The following CDH12 variants were observed in gnomAD, a reference collection of about 807,000 sequenced individuals.
The protein encoded by CDH12 is cadherin-12.
Under a neutral mutation model 74.1 loss-of-function variants are expected in CDH12, and 41 were observed. The ratio of observed to expected loss-of-function variants is 0.55; its 90% confidence interval spans 0.43 to 0.72. The LOEUF is 0.72. CDH12 is among the 30% of genes least tolerant of loss of function. CDH12 has a pLI of 0.00. For synonymous variants in CDH12, 399 were observed against 355.0 expected, an observed-to-expected ratio of 1.12 and a Z score of -1.39; for missense variants, 945 against 977.2, an observed-to-expected ratio of 0.97 and a Z score of 0.44.
intron 6 of CDH12, among the ~76,000 whole-genome samples, chr5:21,939,476 G>C (rs1215157298): frequency 6.6e-6 from 1 of 151,652 alleles, no homozygotes; most frequent in African/African-American, 2.4e-5. Flanking sequence ...TTTTTATTTT[G>C]TCAATTTCTT....
At chr5:22,842,990 G>A (rs1006304880) in intron 1 of CDH12, among the ~76,000 whole-genome samples, 2 of 152,058 alleles carry the variant, frequency 1.3e-5, no homozygotes, top group African/African-American at 4.8e-5. Context: ...TTTGTGTAAA[G>A]TGAATTTGGC....
At chr5:21,995,032 TC>T in intron 5 of CDH12, among the ~76,000 whole-genome samples, 1 of 152,096 alleles carries the variant, frequency 6.6e-6, no homozygotes. Flanking sequence ...GCTGTAACAC[TC>T]ACGGTGAGGG....
At chr5:21,948,794 G>T (rs995853849) in intron 6 of CDH12, among the ~76,000 whole-genome samples, 11 of 152,186 alleles carry the variant, frequency 7.2e-5, no homozygotes, top group Non-Finnish European at 1.5e-4. Flanking sequence ...TGTGTTGAGG[G>T]CAGGACCTGG....
At chr5:21,931,385 G>T (rs1754829386) in intron 6 of CDH12, among the ~76,000 whole-genome samples, 1 of 152,120 alleles carries the variant, frequency 6.6e-6, no homozygotes, top group African/African-American at 2.4e-5. Flanking sequence ...GGCTTTTAAA[G>T]AAGTAATTTG....
At chr5:22,552,077 T>C (rs900303009) in intron 1 of CDH12, among the ~76,000 whole-genome samples, 2 of 152,130 alleles carry the variant, frequency 1.3e-5, no homozygotes, top group Non-Finnish European at 2.9e-5. Flanking sequence ...GCATAGGTGA[T>C]TTTCTGGAAG....
At chr5:22,154,821 T>G (rs1747918187) in intron 4 of CDH12, among the ~76,000 whole-genome samples, 1 of 152,124 alleles carries the variant, frequency 6.6e-6, no homozygotes, top group Admixed American at 6.6e-5. Context: ...ACAATTTCTG[T>G]TGGTCGGGAG....
intron 1 of CDH12, among the ~76,000 whole-genome samples, chr5:22,809,727 G>A (rs915257020): frequency 1.3e-5 from 2 of 151,958 alleles, no homozygotes; most frequent in Admixed American, 6.6e-5. Flanking sequence ...GATTGATTCT[G>A]ATACTGGAAA....
At chr5:21,970,284 G>A (rs1756780289) in intron 6 of CDH12, among the ~76,000 whole-genome samples, 1 of 152,074 alleles carries the variant, frequency 6.6e-6, no homozygotes, top group Non-Finnish European at 1.5e-5. Context: ...TCTGCTTTTA[G>A]GGCATAGATA....
intron 3 of CDH12, among the ~76,000 whole-genome samples, chr5:22,361,110 T>C (rs1251465812): frequency 6.6e-6 from 1 of 152,130 alleles, no homozygotes; most frequent in Non-Finnish European, 1.5e-5. Context: ...AAATAAAGGA[T>C]ATTCAATTAG....
intron 2 of CDH12, among the ~76,000 whole-genome samples, chr5:22,436,608 T>C (rs2126532599): frequency 6.6e-6 from 1 of 152,062 alleles, no homozygotes; most frequent in South Asian, 2.1e-4. Context: ...TCTTGAGAAA[T>C]CAGCTCTGTC....
intron 5 of CDH12, among the ~76,000 whole-genome samples, chr5:22,020,357 C>A (rs28414925): frequency 0.011 from 1,660 of 151,970 alleles, 31 homozygotes; most frequent in African/African-American, 0.036. Flanking sequence ...AGTTCAAGAC[C>A]AGCCTGGCTA....
At chr5:22,142,713 G>T in intron 4 of CDH12, 4 of 317,664 alleles carry the variant, frequency 1.3e-5, no homozygotes, top group Admixed American at 4.6e-5. Flanking sequence ...CAAAAATGTG[G>T]GATTAAGAAG....
chr5:22,824,152 C>T (rs535200917), intron 1 of CDH12, among the ~76,000 whole-genome samples: 27 of 152,088 alleles, frequency 1.8e-4, no homozygotes, highest in Non-Finnish European at 3.5e-4. Context: ...CTAATATTTT[C>T]AATTCATGTA....
intron 3 of CDH12, among the ~76,000 whole-genome samples, chr5:22,399,105 T>C (rs1580607476): frequency 6.6e-6 from 1 of 152,284 alleles, no homozygotes; most frequent in Non-Finnish European, 1.5e-5. Flanking sequence ...TGTGTATCTA[T>C]TGAACTATAT....
At chr5:21,842,033 A>T in intron 8 of CDH12, 128 bp downstream of exon 8, 2 of 729,568 alleles carry the variant, frequency 2.7e-6, no homozygotes, top group Non-Finnish European at 4.6e-6. Flanking sequence ...TGTAATTTTT[A>T]ATCCATTAGC....
At chr5:22,640,742 C>T (rs1418065894) in intron 1 of CDH12, among the ~76,000 whole-genome samples, 1 of 152,118 alleles carries the variant, frequency 6.6e-6, no homozygotes, top group Non-Finnish European at 1.5e-5. Flanking sequence ...TCTCAATGAG[C>T]ACAACATGCA....
intron 4 of CDH12, among the ~76,000 whole-genome samples, chr5:22,201,352 A>G (rs1750914707): frequency 6.6e-6 from 1 of 152,196 alleles, no homozygotes; most frequent in Non-Finnish European, 1.5e-5. Context: ...CATAAACAAG[A>G]ATTAAATCAT....
intron 10 of CDH12, among the ~76,000 whole-genome samples, chr5:21,796,882 A>G (rs1167121196): frequency 6.6e-6 from 1 of 152,088 alleles, no homozygotes; most frequent in Non-Finnish European, 1.5e-5. Flanking sequence ...AAAAGCCCCT[A>G]CTTCACTAAT....
At chr5:22,375,185 G>A (rs1359079384) in intron 3 of CDH12, among the ~76,000 whole-genome samples, 1 of 151,980 alleles carries the variant, frequency 6.6e-6, no homozygotes. Flanking sequence ...AATATGCCAA[G>A]AACAATTCTG....
Sources: allele counts gnomAD v4.1 joint callset (sites outside exome capture counted in the v4.1 genomes callset), GRCh38; gene constraint gnomAD v4.1.1; transcripts MANE v1.5; gene names NCBI Gene and HGNC (gene_info 2026-07-23, HGNC 2026-07-21).